The following PLXNA3 variants were observed in gnomAD, a reference collection of about 807,000 sequenced individuals.
PLXNA3 encodes plexin-A3.
PLXNA3 carries 52 observed loss-of-function variants against 118.8 expected under a neutral mutation model. The ratio of observed to expected loss-of-function variants is 0.44; its 90% CI spans 0.35 to 0.55. PLXNA3 has a LOEUF of 0.55. PLXNA3 is among the 20% of genes least tolerant of loss of function. The probability of loss-of-function intolerance (pLI) is 0.01; values close to 1 mark genes in which losing one functional copy is unlikely to be tolerated. For missense variants in PLXNA3, 1,660 were observed against 1,730.8 expected, an observed-to-expected ratio of 0.96 and a Z score of 0.73; for synonymous variants, 925 against 762.4, an observed-to-expected ratio of 1.21 and a Z score of -3.51.
At chrX:154,466,101 G>A (rs781944643) in intron 14 of PLXNA3, 21 bp downstream of exon 14, 1 of 1,209,379 alleles carries the variant, frequency 8.3e-7, no homozygotes, top group Non-Finnish European at 1.1e-6. Context: ...CTCTGTGGGT[G>A]CCCGGGCCGT....
intron 32 of PLXNA3, 118 bp from the exon 33 acceptor site, chrX:154,472,472 G>A: frequency 3.8e-6 from 2 of 521,316 alleles, no homozygotes; most frequent in Non-Finnish European, 7.0e-6. Context: ...GGGGCTGCGG[G>A]GGAGGACGGA....
Position 154,471,242 on chromosome X carries a change from G to A in PLXNA3, c.5294G>A (p.Arg1765His), listed in dbSNP as rs372517205. The A allele has an allele frequency of 8.3e-7, 1 of 1,211,445 alleles. No homozygotes were observed. The highest frequency in any genetic ancestry group is 2.3e-4 in the Middle Eastern group (1 of 4,353). ...GACTCCTGCTCTACATCCGAGCACC[G>A]CCTGGGGAAGGACTCGCCCTCCAAC... is the stretch of plus-strand genomic sequence containing the variant. ...FMDSCSTSEH[R>H]LGKDSPSNKL... The change falls in exon 31 of 33, where the codon CGC becomes CAC. Residue 1765 changes from arginine to histidine, a missense_variant. Arg to His is a conservative substitution (Grantham distance 29, BLOSUM62 0). This residue lies in a region of PLXNA3 where 869 missense variants were observed against 1,078.7 expected (regional missense o/e 0.81). Transcript: ENST00000369682.
At chrX:154,472,088 CAAAG>C (rs2069190490) in intron 32 of PLXNA3, among the ~76,000 whole-genome samples, 3 of 110,919 alleles carry the variant, frequency 2.7e-5, no homozygotes, top group African/African-American at 9.9e-5. Flanking sequence ...CCCCAGGACA[CAAAG>C]AGGGGAGGGG....
rs782498003 is a variant in PLXNA3, at chrX:154,466,037, G to T, written c.2635G>T (p.Val879Leu). The change falls in exon 14 of 33, where the codon GTG (valine) becomes TTG (leucine). Residue 879 changes from valine to leucine, a missense_variant. This residue lies in a region of PLXNA3 where 869 missense variants were observed against 1,078.7 expected (regional missense o/e 0.81). Coordinates refer to ENST00000369682, the MANE Select transcript of PLXNA3 (RefSeq NM_017514.5). ...SREVGLRVAG[V>L]RCNSIPAEYI... ...AGAGGTGGGCCTGCGGGTGGCTGGC[G>T]TGCGTTGCAACTCCATTCCGGCCGA... 1 of 1,210,232 alleles carries T rather than the reference G, an allele frequency of 8.3e-7. No individual in the cohort carries two copies. Among genetic ancestry groups the T allele is most frequent in the Admixed American group, 2.2e-5 (1 of 46,043 alleles).
At chrX:154,470,268 G>T (rs184736211) in intron 29 of PLXNA3, 101 bp downstream of exon 29, 1 of 971,375 alleles carries the variant, frequency 1.0e-6, no homozygotes, top group East Asian at 3.2e-5. Context: ...GCCTTTCTTC[G>T]GGTCTTTGCT....
Position 154,471,608 on chromosome X carries a change from G to A in PLXNA3, c.5490G>A (p.Leu1830=). ...DFSVLSALNE[L]YFYVTKYRQE... ...GCGTCCTGAGTGCGCTCAACGAGCT[G>A]TATTTCTATGTCACCAAGTACCGCC... is the stretch of plus-strand genomic sequence containing the variant. The change falls in exon 32 of 33, where the codon CTG becomes CTA. Residue 1830 remains leucine (L), a synonymous_variant. Coordinates refer to ENST00000369682, the MANE Select transcript of PLXNA3 (RefSeq NM_017514.5). The A allele has an allele frequency of 8.3e-7, 1 of 1,209,870 alleles. No homozygotes were observed. The highest frequency in any genetic ancestry group is 1.1e-6 in the Non-Finnish European group (1 of 893,986).
In PLXNA3 at chrX:154,464,710, C is replaced by T. The variant is rs782369575; in HGVS notation, c.1929-44C>T. The T allele has an allele frequency of 4.5e-6, 4 of 898,546 alleles. No homozygotes were observed. The East Asian group carries it at 1.4e-4, about 30-fold the overall frequency. The allele number at this position is 898,546 out of a possible 1,213,427, so 74.1% of individuals were successfully genotyped here. A position where few individuals can be genotyped will look rare whatever the true frequency, so the allele number is the denominator to read the frequency against. ...TGTCCTATTGGGGAGCAGTGAGGGG[C>T]AGTGCAGCCTCCTCTGTTATTTCTG... On this transcript the variant is annotated intron_variant, in intron 9 of 32. Coordinates refer to ENST00000369682, the MANE Select transcript of PLXNA3 (RefSeq NM_017514.5).
intron 6 of PLXNA3, 130 bp from the exon 7 acceptor site, chrX:154,463,821 C>T (rs2069023036): frequency 2.0e-6 from 2 of 990,964 alleles, no homozygotes; most frequent in East Asian, 6.7e-5. Flanking sequence ...GTGGAACCTC[C>T]ACCCCGAGTG....
intron 3 of PLXNA3, 137 bp from the exon 4 acceptor site, chrX:154,461,990 AC>A (rs1557204791): frequency 1.2e-5 from 6 of 498,927 alleles, no homozygotes; most frequent in African/African-American, 2.4e-5. Context: ...TTCCTGGAGC[AC>A]CCTAGGGCGA....
rs374495650 is a variant in PLXNA3, at chrX:154,468,651, C to T, written c.4221-12C>T. The T allele has an allele frequency of 1.7e-6, 2 of 1,210,278 alleles. No homozygotes were observed. Among genetic ancestry groups the T allele is most frequent in the African/African-American group, 3.5e-5 (2 of 57,511 alleles). On this transcript the variant is annotated splice_polypyrimidine_tract_variant and intron_variant, in intron 23 of 32. Transcript: ENST00000369682. Reference sequence around the variant, plus strand: ...ACCCCTGCCAGGCCCGAGCCCCCTTCTCTTGCCCTAGGACAGAGTCAGTGG... The same window carrying T: ...ACCCCTGCCAGGCCCGAGCCCCCTTTTCTTGCCCTAGGACAGAGTCAGTGG...
At chrX:154,469,321 G>C in intron 26 of PLXNA3, 58 bp from the exon 27 acceptor site, 1 of 1,156,564 alleles carries the variant, frequency 8.6e-7, no homozygotes. Flanking sequence ...CCAAAGAGGA[G>C]TGGGCCAGGC....
intron 6 of PLXNA3, 30 bp from the exon 7 acceptor site, chrX:154,463,921 C>A: frequency 5.2e-6 from 6 of 1,150,286 alleles, no homozygotes; most frequent in Non-Finnish European, 6.9e-6. Context: ...GGGGCAGTGG[C>A]GGGACCGGCT....
At position 154,468,194 on chromosome X, in the gene PLXNA3, C is replaced by T. The variant is rs1557208098; in HGVS notation, c.3933C>T (p.Ile1311=). The change falls in exon 22 of 33, where the codon ATC becomes ATT. Residue 1311 remains isoleucine, a synonymous_variant. Transcript: ENST00000369682. ...CCGTGCGCGTGCTCTTCCCGGGCATCGAGGCCCACCCGGTGCTCAAGGAGC... is the reference window on the plus strand; with the variant it reads ...CCGTGCGCGTGCTCTTCCCGGGCATTGAGGCCCACCCGGTGCTCAAGGAGC... ...TYAVRVLFPG[I]EAHPVLKELD... 5.1e-6 allele frequency: 6 copies of T among 1,182,734 alleles called. No homozygotes were observed. Among genetic ancestry groups the T allele is most frequent in the East Asian group, 3.0e-5 (1 of 33,590 alleles).
In PLXNA3 at chrX:154,467,765, A is replaced by T; in HGVS notation, c.3586-2A>T. The stretch of plus-strand genomic sequence containing the variant: ...CAGCTCACCTCAGGCCTGTCCCCAC[A>T]GGTGCTGGTGGGTGGCCTGGAGTTC... On this transcript the variant is annotated splice_acceptor_variant, in intron 20 of 32. Transcript: ENST00000369682. LOFTEE classifies it high-confidence loss of function. 1 of 1,200,113 alleles carries T rather than the reference A, an allele frequency of 8.3e-7. No individual in the cohort carries two copies. The highest frequency in any genetic ancestry group is 1.1e-6 in the Non-Finnish European group (1 of 891,814).
In PLXNA3 at chrX:154,477,738, G is replaced by T; in HGVS notation, c.*5053G>T. The T allele has an allele frequency of 2.6e-6, 1 of 380,600 alleles. No individual in the cohort carries two copies. Among genetic ancestry groups the T allele is most frequent in the Non-Finnish European group, 4.6e-6 (1 of 217,410 alleles). 31.4% of individuals were successfully genotyped at this position (380,600 alleles called of 1,213,427 possible). On this transcript the variant is annotated 3_prime_UTR_variant, in exon 33 of 33. Transcript: ENST00000369682. ...CAACCCAAGCACAACAAGAATATTGGGAGGTGCCCCAGCTGCAAATAAACT... is the reference window on the plus strand; with the variant it reads ...CAACCCAAGCACAACAAGAATATTGTGAGGTGCCCCAGCTGCAAATAAACT...
At chrX:154,471,055 C>T (rs1199860746) in intron 30 of PLXNA3, 50 bp from the exon 31 acceptor site, 1 of 1,115,797 alleles carries the variant, frequency 9.0e-7, no homozygotes, top group Non-Finnish European at 1.2e-6. Context: ...GGAGGGGCCC[C>T]TTGGGGCTAA....
chrX:154,468,493 A>G lies in PLXNA3; in HGVS notation c.4154A>G (p.Gln1385Arg). Residue 1385 changes from glutamine to arginine, a missense_variant, in exon 23 of 33, where the codon CAA becomes CGA. Gln to Arg is a conservative substitution (Grantham distance 43). This residue lies in a region of PLXNA3 where 869 missense variants were observed against 1,078.7 expected (regional missense o/e 0.81). Coordinates refer to ENST00000369682, the MANE Select transcript of PLXNA3 (RefSeq NM_017514.5). ...RLDYATGLLK[Q>R]LLADLIEKNL... The stretch of plus-strand genomic sequence containing the variant: ...GACTATGCCACGGGGCTGCTCAAGC[A>G]ACTGCTGGCCGACCTCATCGAGAAG... 1 of 1,211,140 alleles carries G rather than the reference A, an allele frequency of 8.3e-7. No individual in the cohort carries two copies. The highest frequency in any genetic ancestry group is 1.1e-6 in the Non-Finnish European group (1 of 895,474).
At chrX:154,470,317 TGA>T in intron 29 of PLXNA3, 123 bp from the exon 30 acceptor site, 1 of 928,582 alleles carries the variant, frequency 1.1e-6, no homozygotes, top group Non-Finnish European at 1.5e-6. Flanking sequence ...CATGTCTGTC[TGA>T]GAGACCACTG....
chrX:154,473,983 T>C lies in PLXNA3; in HGVS notation c.*1298T>C, dbSNP rs1378476531. On this transcript the variant is annotated 3_prime_UTR_variant, in exon 33 of 33. Transcript: ENST00000369682. ...CTGTTATGATATAAGGTGGATCATG[T>C]TGCCTCACTGTTTAGAACCCTCCGG... 3.6e-5 allele frequency: 4 copies of C among 111,454 alleles called. No individual in the cohort carries two copies. The highest frequency in any genetic ancestry group is 5.7e-5 in the Non-Finnish European group (3 of 53,074). The allele number at this position is 111,454 out of a possible 1,213,427, so 9.2% of individuals were successfully genotyped here. A position where few individuals can be genotyped will look rare whatever the true frequency, so the allele number is the denominator to read the frequency against.
Sources: gnomAD v4.1 joint callset for allele counts (sites outside exome capture counted in the v4.1 genomes callset) on GRCh38, gnomAD v4.1.1 for gene constraint, gnomAD v4.1.1 regional missense constraint, MANE v1.5 for transcripts, NCBI Gene and HGNC (gene_info 2026-07-23, HGNC 2026-07-21) for gene names.